Variants in DTNA observed in about 807,000 individuals in gnomAD.
The protein encoded by DTNA is dystrobrevin alpha, also known as dystrophin-related protein 3.
A neutral mutation model predicts 100.7 loss-of-function variants in DTNA; 43 were observed. The observed-to-expected ratio is 0.43, with a 90% CI of 0.33 to 0.55. The LOEUF (loss-of-function observed/expected upper bound fraction) is 0.55, where lower values mean the gene tolerates loss of function less well. Ranked by LOEUF, DTNA falls within the 20% of genes least tolerant of loss-of-function variation. DTNA has a pLI of 0.04. For missense variants in DTNA, 798 were observed against 953.9 expected, an observed-to-expected ratio of 0.84 and a Z score of 2.15; for synonymous variants, 349 against 347.9, an observed-to-expected ratio of 1.00 and a Z score of -0.04.
intron 1 of DTNA, among the ~76,000 whole-genome samples, chr18:34,551,953 C>G (rs1166671010): frequency 6.6e-6 from 1 of 152,038 alleles, no homozygotes; most frequent in Non-Finnish European, 1.5e-5. Flanking sequence ...CTTGAATAAA[C>G]TAAGACTCTT....
chr18:34,862,812 G>GA (rs57591151), intron 16 of DTNA, among the ~76,000 whole-genome samples: 2 of 151,872 alleles, frequency 1.3e-5, no homozygotes, highest in East Asian at 3.9e-4. Flanking sequence ...AAAAAAAATA[G>GA]AAAAAAATAG....
At chr18:34,555,176 G>T (rs1460610759) in intron 1 of DTNA, among the ~76,000 whole-genome samples, 2 of 137,500 alleles carry the variant, frequency 1.5e-5, no homozygotes, top group African/African-American at 2.9e-5. Flanking sequence ...GGTGTTTGTA[G>T]TATTCTCTGA....
intron 1 of DTNA, among the ~76,000 whole-genome samples, chr18:34,730,601 A>G (rs2087870046): frequency 1.3e-5 from 2 of 152,140 alleles, no homozygotes; most frequent in Admixed American, 6.5e-5. Flanking sequence ...CTCTGTGTCC[A>G]TATGTCCTCA....
At chr18:34,781,058 GC>G (rs1471857308) in intron 3 of DTNA, among the ~76,000 whole-genome samples, 2 of 152,208 alleles carry the variant, frequency 1.3e-5, no homozygotes, top group African/African-American at 4.8e-5. Context: ...GCTGAGGCCA[GC>G]CATTGTCCGG....
intron 1 of DTNA, among the ~76,000 whole-genome samples, chr18:34,581,492 G>A (rs1567948465): frequency 6.6e-6 from 1 of 151,960 alleles, no homozygotes; most frequent in Non-Finnish European, 1.5e-5. Context: ...ATATGATTTT[G>A]AGACTTTTTG....
chr18:34,765,511 A>G (rs1042501178), intron 2 of DTNA, among the ~76,000 whole-genome samples: 2 of 152,370 alleles, frequency 1.3e-5, no homozygotes, highest in African/African-American at 4.8e-5. Flanking sequence ...TCTAAAAGCA[A>G]TTGGCCTAAG....
At chr18:34,704,159 C>T (rs1189418858) in intron 1 of DTNA, among the ~76,000 whole-genome samples, 1 of 152,132 alleles carries the variant, frequency 6.6e-6, no homozygotes, top group Non-Finnish European at 1.5e-5. Flanking sequence ...CAGTTCTCTC[C>T]ATCCCATTAT....
At chr18:34,833,317 G>A (rs551579265) in intron 11 of DTNA, among the ~76,000 whole-genome samples, 8 of 152,000 alleles carry the variant, frequency 5.3e-5, no homozygotes, top group East Asian at 3.9e-4. Context: ...GGCATCAGTC[G>A]TCACCCTTCA....
chr18:34,714,499 G>A (rs1414420345), intron 1 of DTNA, among the ~76,000 whole-genome samples: 1 of 149,496 alleles, frequency 6.7e-6, no homozygotes, highest in Non-Finnish European at 1.5e-5. Context: ...ACCATCACTG[G>A]CCATCAGAGA....
intron 17 of DTNA, chr18:34,867,673 T>C (rs938908272): frequency 2.0e-6 from 2 of 987,550 alleles, no homozygotes; most frequent in African/African-American, 3.5e-5. Flanking sequence ...TTTAGCCATT[T>C]CCCTTGGGGA....
intron 15 of DTNA, among the ~76,000 whole-genome samples, chr18:34,854,063 G>C (rs771866513): frequency 6.6e-6 from 1 of 152,110 alleles, no homozygotes; most frequent in African/African-American, 2.4e-5. Flanking sequence ...CAGAGGGCTC[G>C]AAGCAAACAA....
At chr18:34,612,834 T>G (rs186542944) in intron 1 of DTNA, among the ~76,000 whole-genome samples, 146 of 152,350 alleles carry the variant, frequency 9.6e-4, no homozygotes, top group African/African-American at 3.5e-3. Flanking sequence ...CTATACTCAT[T>G]AGAATTAATC....
chr18:34,626,542 C>A (rs939181653), intron 1 of DTNA, among the ~76,000 whole-genome samples: 3 of 152,104 alleles, frequency 2.0e-5, no homozygotes, highest in African/African-American at 7.2e-5. Context: ...ACAAACTGGT[C>A]ATTACACCTT....
chr18:34,576,168 A>G (rs1205025172), intron 1 of DTNA, among the ~76,000 whole-genome samples: 5 of 152,202 alleles, frequency 3.3e-5, no homozygotes, highest in Non-Finnish European at 7.3e-5. Context: ...ATGCTCACAG[A>G]GCTGCATGGA....
chr18:34,847,794 A>G (rs1328149456), intron 13 of DTNA, among the ~76,000 whole-genome samples: 1 of 152,196 alleles, frequency 6.6e-6, no homozygotes, highest in Non-Finnish European at 1.5e-5. Context: ...CTTCTGCCAT[A>G]TGCTATTCAT....
At chr18:34,765,782 A>C (rs898562717) in intron 2 of DTNA, among the ~76,000 whole-genome samples, 179 bp from the exon 3 acceptor site, 1 of 152,144 alleles carries the variant, frequency 6.6e-6, no homozygotes, top group Non-Finnish European at 1.5e-5. Flanking sequence ...TTTTCCCTAG[A>C]ACCTGAGGAA....
rs781318372 is a variant in DTNA at position 34,827,576 on chromosome 18, C to T, written c.1002-17C>T. 2 of 1,612,462 alleles carry T rather than the reference C, an allele frequency of 1.2e-6. No individual in the cohort carries two copies. The highest frequency in any genetic ancestry group is 1.7e-5 in the Admixed American group (1 of 59,996). ...TTATTTGTTTTAACTTTCCATTCAC[C>T]CTGTGTTTTGTTTTAGGCCTCCCAG... is the stretch of plus-strand genomic sequence containing the variant. On this transcript the variant is annotated splice_polypyrimidine_tract_variant and intron_variant, in intron 9 of 22. Coordinates refer to ENST00000444659, the MANE Select transcript of DTNA (RefSeq NM_001386795.1).
intron 1 of DTNA, among the ~76,000 whole-genome samples, chr18:34,673,121 C>G (rs2076972327): frequency 6.6e-6 from 1 of 152,088 alleles, no homozygotes; most frequent in Admixed American, 6.5e-5. Flanking sequence ...GGATCTCACT[C>G]TGTCACTCAG....
chr18:34,517,277 T>C (rs1601385318), intron 1 of DTNA, among the ~76,000 whole-genome samples: 1 of 152,282 alleles, frequency 6.6e-6, no homozygotes, highest in Non-Finnish European at 1.5e-5. Flanking sequence ...GTTTAAAAAC[T>C]TTATTTTCAG....
Sources: gnomAD v4.1 joint callset for allele counts (sites outside exome capture counted in the v4.1 genomes callset) on GRCh38, gnomAD v4.1.1 for gene constraint, MANE v1.5 for transcripts, NCBI Gene and HGNC (gene_info 2026-07-23, HGNC 2026-07-21) for gene names.